Variants in PTPRE observed in about 807,000 individuals in gnomAD.
PTPRE encodes receptor-type tyrosine-protein phosphatase epsilon.
Under a neutral mutation model 102.0 loss-of-function variants are expected in PTPRE, and 51 were observed. The ratio of observed to expected loss-of-function variants is 0.50; its 90% CI spans 0.40 to 0.63. PTPRE has a LOEUF of 0.63. PTPRE is among the 30% of genes least tolerant of loss of function. The pLI, the probability that PTPRE is intolerant of heterozygous loss-of-function variation, is 0.00. For missense variants in PTPRE, 752 were observed against 915.1 expected (o/e 0.82, Z 2.30); for synonymous variants, 345 against 348.2 (o/e 0.99, Z 0.10).
At chr10:127,952,316 T>A (rs1227236306) in intron 1 of PTPRE, among the ~76,000 whole-genome samples, 1 of 151,640 alleles carries the variant, frequency 6.6e-6, no homozygotes, top group Non-Finnish European at 1.5e-5. Context: ...AGCCAATGCC[T>A]ACTTGTTGTG....
At chr10:128,030,640 A>G (rs1344643831) in intron 2 of PTPRE, among the ~76,000 whole-genome samples, 3 of 152,152 alleles carry the variant, frequency 2.0e-5, no homozygotes, top group African/African-American at 4.8e-5. Flanking sequence ...AGAGACCTGC[A>G]TGAGAGTTGG....
chr10:128,022,702 C>T (rs775133772), intron 2 of PTPRE, among the ~76,000 whole-genome samples: 6 of 152,214 alleles, frequency 3.9e-5, no homozygotes, highest in African/African-American at 7.2e-5. Flanking sequence ...AGGCACACAG[C>T]GCAGTGGATG....
rs575920396 is a variant in PTPRE at position 127,994,851 on chromosome 10, G to A, written c.-8+12555G>A. 1.2e-3 allele frequency among the ~76,000 whole-genome samples: 180 copies of A among 152,260 alleles called. 1 individual carries two copies. Among genetic ancestry groups the A allele is most frequent in the Middle Eastern group, 0.01 (3 of 294 alleles). Reference sequence around the variant, plus strand: ...AACTGGGCCAAGACTGCACATTTCAGTTCACTTTGGGTTTCTGATAGCAGT... The same window carrying A: ...AACTGGGCCAAGACTGCACATTTCAATTCACTTTGGGTTTCTGATAGCAGT... On this transcript the variant is annotated intron_variant, in intron 2 of 20. Transcript: ENST00000254667.
rs1245520326 is a variant in PTPRE at position 128,085,528 on chromosome 10, G to A, written c.*2622G>A. Reference sequence around the variant, plus strand: ...AGAATGCATACCAGTGTTTTAAAAGGTATTTTTATGTGTTTTTAAACACTT... The same window carrying A: ...AGAATGCATACCAGTGTTTTAAAAGATATTTTTATGTGTTTTTAAACACTT... On this transcript the variant is annotated 3_prime_UTR_variant, in exon 21 of 21. Coordinates refer to ENST00000254667, the MANE Select transcript of PTPRE (RefSeq NM_006504.6). 6.5e-6 allele frequency: 1 copy of A among 152,738 alleles called. No individual in the cohort carries two copies. The highest frequency in any genetic ancestry group is 1.9e-4 in the East Asian group (1 of 5,200). The allele number at this position is 152,738 out of a possible 1,614,324, so 9.5% of individuals were successfully genotyped here. A position where few individuals can be genotyped will look rare whatever the true frequency, so the allele number is the denominator to read the frequency against.
chr10:128,000,933 G>A (rs1172935396), intron 2 of PTPRE, among the ~76,000 whole-genome samples: 1 of 152,132 alleles, frequency 6.6e-6, no homozygotes, highest in East Asian at 1.9e-4. Flanking sequence ...ACCACTCCAG[G>A]GCCGTGCTCT....
intron 1 of PTPRE, among the ~76,000 whole-genome samples, chr10:127,927,621 G>T (rs1349215625): frequency 4.6e-5 from 7 of 152,210 alleles, no homozygotes; most frequent in Admixed American, 4.6e-4. Context: ...TCCTCATGGA[G>T]AGGAGCCTTC....
chr10:127,954,383 A>G (rs1849252015), intron 1 of PTPRE, among the ~76,000 whole-genome samples: 1 of 152,154 alleles, frequency 6.6e-6, no homozygotes, highest in African/African-American at 2.4e-5. Context: ...CTTCATTGTG[A>G]AAGGGGCAGT....
At chr10:128,034,097 C>T (rs60069313) in intron 2 of PTPRE, among the ~76,000 whole-genome samples, 16 of 152,064 alleles carry the variant, frequency 1.1e-4, no homozygotes, top group East Asian at 5.8e-4. Flanking sequence ...AAAACACTGC[C>T]GCTTTGTAGT....
rs1290261114 is a variant in PTPRE, at chr10:128,070,914, T to C, written c.1387+13T>C. 6.2e-7 allele frequency: 1 copy of C among 1,608,246 alleles called. No homozygotes were observed. The highest frequency in any genetic ancestry group is 1.7e-4 in the Middle Eastern group (1 of 6,004). ...CAGATCATCCCGTGTAAGGCACCCG[T>C]GGCGTGGCTTGGGCAGGGCTGGGGC... On this transcript the variant is annotated intron_variant, in intron 15 of 20. Coordinates refer to ENST00000254667, the MANE Select transcript of PTPRE (RefSeq NM_006504.6). This position sits in a 1 kb window ranked among gnomAD's most constrained non-coding sequence, Gnocchi z 4.8.
chr10:128,075,764 CT>C (rs1006371897), intron 17 of PTPRE, among the ~76,000 whole-genome samples: 1 of 152,098 alleles, frequency 6.6e-6, no homozygotes, highest in African/African-American at 2.4e-5. Flanking sequence ...TAAATACTAT[CT>C]TTTTGTGGCT....
In PTPRE at chr10:128,049,578, A is replaced by T; in HGVS notation, c.332A>T (p.Lys111Met). The change falls in exon 6 of 21, where the codon AAG (lysine) becomes ATG (methionine). Residue 111 changes from lysine (K) to methionine (M), a missense_variant. Physicochemically the swap from Lys to Met is moderately conservative, Grantham distance 95. This residue lies in a region of PTPRE where 636 missense variants were observed against 824.4 expected (regional missense o/e 0.77). Transcript: ENST00000254667. Reference protein sequence around the residue: ...LLSRSPSGPKKYFPIPVEHLE... With the variant: ...LLSRSPSGPKMYFPIPVEHLE... ...AGCAGGTCACCCTCAGGGCCCAAGA[A>T]GTATTTTCCCATCCCCGTGGAGCAC... 6.2e-7 allele frequency: 1 copy of T among 1,614,016 alleles called. No homozygotes were observed. The highest frequency in any genetic ancestry group is 8.5e-7 in the Non-Finnish European group (1 of 1,180,012).
chr10:128,001,686 C>T (rs1853913529), intron 2 of PTPRE, among the ~76,000 whole-genome samples: 1 of 152,120 alleles, frequency 6.6e-6, no homozygotes. Flanking sequence ...ATTATGCCCT[C>T]GCTTTTCTGA....
chr10:127,938,748 T>G (rs76481583), intron 1 of PTPRE, among the ~76,000 whole-genome samples: 123 of 152,336 alleles, frequency 8.1e-4, no homozygotes, highest in Non-Finnish European at 1.4e-3. Context: ...GTATCAATGC[T>G]ATTGTAACTA....
In PTPRE at chr10:128,070,138, A is replaced by G; in HGVS notation, c.1144-163A>G. 2 of 821,574 alleles carry G rather than the reference A, an allele frequency of 2.4e-6. No individual in the cohort carries two copies. Among genetic ancestry groups the G allele is most frequent in the Non-Finnish European group, 3.8e-6 (2 of 532,660 alleles). 50.9% of individuals were successfully genotyped at this position (821,574 alleles called of 1,614,324 possible). On this transcript the variant is annotated intron_variant, in intron 13 of 20. Transcript: ENST00000254667. The surrounding 1 kb of genome is among the most constrained non-coding windows in gnomAD (Gnocchi z 4.8). ...CCGTTCTCCTTACTCAAGGGCATAA[A>G]TGGTCGTTATCCGTGGCCGGTACTC...
At chr10:128,077,001 C>T (rs117353810) in intron 18 of PTPRE, among the ~76,000 whole-genome samples, 5,076 of 152,264 alleles carry the variant, frequency 0.033, 112 homozygotes, top group Non-Finnish European at 0.047. Context: ...CTAATGAAGC[C>T]ACAGGGGCCT....
chr10:128,047,545 C>A (rs1329223767), intron 4 of PTPRE, 56 bp downstream of exon 4: 2 of 1,610,126 alleles, frequency 1.2e-6, no homozygotes, highest in Non-Finnish European at 1.7e-6. Flanking sequence ...AGGAAATGAG[C>A]CTTCTGATGC....
At chr10:127,921,634 G>A (rs1195895101) in intron 1 of PTPRE, among the ~76,000 whole-genome samples, 1 of 152,244 alleles carries the variant, frequency 6.6e-6, no homozygotes, top group Admixed American at 6.5e-5. Context: ...GGCTCACTGA[G>A]CTGTTGCCCA....
At chr10:127,999,250 G>A (rs546495375) in intron 2 of PTPRE, 3 of 152,304 alleles carry the variant, frequency 2.0e-5, no homozygotes, top group South Asian at 2.1e-4. Flanking sequence ...AGAAGCCCTA[G>A]GCTGTGTTTG....
At chr10:128,000,077 ATT>A in intron 2 of PTPRE, 1 of 641,582 alleles carries the variant, frequency 1.6e-6, no homozygotes, top group South Asian at 6.9e-5. Flanking sequence ...TTAACTTAGT[ATT>A]AAATGTTGTT....
Sources: gnomAD v4.1 joint callset for allele counts (sites outside exome capture counted in the v4.1 genomes callset) on GRCh38, gnomAD v4.1.1 for gene constraint, gnomAD v4.1.1 regional missense constraint, Gnocchi (gnomAD v3.1) non-coding constraint, MANE v1.5 for transcripts, NCBI Gene and HGNC (gene_info 2026-07-23, HGNC 2026-07-21) for gene names.